Variants in DAD1 observed in about 807,000 individuals in gnomAD.
DAD1 encodes defender against cell death 1, also known as dolichyl-diphosphooligosaccharide--protein glycosyltransferase subunit DAD1.
Under a neutral mutation model 9.0 loss-of-function variants are expected in DAD1, and 4 were observed. The ratio of observed to expected loss-of-function variants is 0.44; its 90% CI spans 0.22 to 1.01. The LOEUF is 1.01. Among genes scored for constraint, DAD1 ranks in the 50% least tolerant of loss-of-function variants. DAD1 has a pLI of 0.24. For missense variants in DAD1, 119 were observed against 137.3 expected, an observed-to-expected ratio of 0.87 and a Z score of 0.67; for synonymous variants, 60 against 62.5, an observed-to-expected ratio of 0.96 and a Z score of 0.19.
chr14:22,585,938 G>A (rs949743882), intron 1 of DAD1, among the ~76,000 whole-genome samples: 2 of 152,216 alleles, frequency 1.3e-5, no homozygotes, highest in Non-Finnish European at 2.9e-5. Context: ...CGGGTGTGGT[G>A]GCTCACGCCT....
At chr14:22,585,215 A>C (rs2037144063) in intron 1 of DAD1, among the ~76,000 whole-genome samples, 1 of 152,206 alleles carries the variant, frequency 6.6e-6, no homozygotes, top group African/African-American at 2.4e-5. Flanking sequence ...GAAAAACAAA[A>C]CTATTTTTTA....
At chr14:22,582,441 G>A (rs1474206063) in intron 1 of DAD1, among the ~76,000 whole-genome samples, 2 of 145,544 alleles carry the variant, frequency 1.4e-5, no homozygotes, top group African/African-American at 2.5e-5. Flanking sequence ...GGAGAATGGC[G>A]TGAACCCGGG....
chr14:22,582,655 A>G (rs1230603381), intron 1 of DAD1, among the ~76,000 whole-genome samples: 1 of 152,208 alleles, frequency 6.6e-6, no homozygotes, highest in African/African-American at 2.4e-5. Context: ...TGCTGATGAA[A>G]CAGATGCAGG....
At chr14:22,570,181 G>A (rs1319626328) in intron 2 of DAD1, among the ~76,000 whole-genome samples, 2 of 148,676 alleles carry the variant, frequency 1.3e-5, no homozygotes, top group African/African-American at 5.2e-5. Context: ...AAAAATTAAA[G>A]ATTATTGCGT....
intron 1 of DAD1, among the ~76,000 whole-genome samples, chr14:22,579,020 A>T (rs2037097555): frequency 6.6e-6 from 1 of 152,240 alleles, no homozygotes; most frequent in African/African-American, 2.4e-5. Context: ...TAGAATATTC[A>T]TTTAATGGGT....
chr14:22,571,786 C>T lies in DAD1; in HGVS notation c.*44+3273G>A, dbSNP rs146758656. Among the ~76,000 whole-genome samples the T allele has an allele frequency of 7.0e-4, 106 of 151,988 alleles. 1 individual carries two copies. In the East Asian group the frequency reaches 0.018, roughly 26 times the overall value. On this transcript the variant is annotated intron_variant, in intron 2 of 2. Transcript: ENST00000250498. ...CTGGGATTACAGGCACCGGCCACCA[C>T]GCCCAGCTAATTTTTGTCTTTTTAG...
intron 1 of DAD1, among the ~76,000 whole-genome samples, chr14:22,585,473 A>G (rs2037145721): frequency 6.6e-6 from 1 of 152,228 alleles, no homozygotes; most frequent in African/African-American, 2.4e-5. Context: ...TCTAACTACA[A>G]GATAAACAGT....
chr14:22,581,773 A>C (rs1288882272), intron 1 of DAD1, among the ~76,000 whole-genome samples: 1 of 149,828 alleles, frequency 6.7e-6, no homozygotes, highest in Non-Finnish European at 1.5e-5. Flanking sequence ...AAAAAAATCA[A>C]GGACAGACCA....
intron 2 of DAD1, among the ~76,000 whole-genome samples, chr14:22,571,026 A>T (rs8013341): frequency 0.33 from 35,018 of 106,760 alleles, 4,307 homozygotes; most frequent in Middle Eastern, 0.36. Flanking sequence ...TTTTTTTTTT[A>T]AAAAAGAGTT....
At chr14:22,569,333 T>C (rs11628014) in intron 2 of DAD1, among the ~76,000 whole-genome samples, 16,313 of 151,716 alleles carry the variant, frequency 0.11, 899 homozygotes, top group South Asian at 0.17. Flanking sequence ...CTCAAGAGGC[T>C]GAGGCAGGAG....
At chr14:22,571,470 AT>A (rs1216640199) in intron 2 of DAD1, among the ~76,000 whole-genome samples, 3 of 151,952 alleles carry the variant, frequency 2.0e-5, no homozygotes, top group Admixed American at 2.0e-4. Flanking sequence ...AAAACTGATC[AT>A]TTCAGGTGTG....
At chr14:22,573,642 G>A (rs1385199835) in intron 2 of DAD1, among the ~76,000 whole-genome samples, 6 of 147,652 alleles carry the variant, frequency 4.1e-5, no homozygotes, top group Admixed American at 1.4e-4. Context: ...CTCGGGAGGC[G>A]GAGTCTGCAG....
At chr14:22,576,180 T>A (rs1297488598) in intron 1 of DAD1, among the ~76,000 whole-genome samples, 1 of 152,230 alleles carries the variant, frequency 6.6e-6, no homozygotes, top group Non-Finnish European at 1.5e-5. Flanking sequence ...GTATTTTTAG[T>A]GTGACCTTCT....
intron 1 of DAD1, among the ~76,000 whole-genome samples, chr14:22,582,419 G>A (rs986472873): frequency 6.6e-6 from 1 of 151,252 alleles, no homozygotes; most frequent in African/African-American, 2.4e-5. Context: ...AGCTACTCGG[G>A]AGGCTGAGGC....
At chr14:22,581,842 A>G (rs556973990) in intron 1 of DAD1, among the ~76,000 whole-genome samples, 37 of 152,140 alleles carry the variant, frequency 2.4e-4, no homozygotes, top group African/African-American at 8.2e-4. Flanking sequence ...GGGCATGGTA[A>G]GCCTCAGAAA....
chr14:22,582,234 G>T (rs1359075320), intron 1 of DAD1, among the ~76,000 whole-genome samples: 2 of 147,398 alleles, frequency 1.4e-5, no homozygotes, highest in Non-Finnish European at 3.0e-5. Flanking sequence ...ATAAAAATAG[G>T]CCAGGCGCAG....
intron 2 of DAD1, among the ~76,000 whole-genome samples, chr14:22,566,830 G>C (rs1019078495): frequency 1.3e-5 from 2 of 152,220 alleles, no homozygotes; most frequent in African/African-American, 4.8e-5. Flanking sequence ...ACTCATGAGA[G>C]TAAGTCTCTT....
chr14:22,568,569 AAG>A (rs1348314544), intron 2 of DAD1, among the ~76,000 whole-genome samples: 3 of 152,210 alleles, frequency 2.0e-5, no homozygotes, highest in African/African-American at 7.2e-5. Context: ...TAACAGTGGC[AAG>A]AGACTTTGAT....
chr14:22,573,179 G>A (rs5742809), intron 2 of DAD1, among the ~76,000 whole-genome samples: 13,796 of 151,332 alleles, frequency 0.091, 1,135 homozygotes, highest in African/African-American at 0.22. Flanking sequence ...CCACACTTTT[G>A]GGTTTTTTTT....
Sources: gnomAD v4.1 joint callset for allele counts (sites outside exome capture counted in the v4.1 genomes callset) on GRCh38, gnomAD v4.1.1 for gene constraint, MANE v1.5 for transcripts, NCBI Gene and HGNC (gene_info 2026-07-23, HGNC 2026-07-21) for gene names.